The following GRIP2 variants were observed in gnomAD, a reference collection of about 807,000 sequenced individuals.
GRIP2 encodes the protein glutamate receptor-interacting protein 2.
GRIP2 carries 58 observed loss-of-function variants against 108.3 expected under a neutral mutation model. The observed-to-expected ratio is 0.54, with a 90% CI of 0.43 to 0.67. GRIP2 has a LOEUF of 0.67. Ranked by LOEUF, GRIP2 falls within the 30% of genes least tolerant of loss-of-function variation. The pLI, the probability that GRIP2 is intolerant of heterozygous loss-of-function variation, is 0.00. For synonymous variants in GRIP2, 586 were observed against 598.2 expected (o/e 0.98, Z 0.30); for missense variants, 1,278 against 1,430.6 (o/e 0.89, Z 1.72).
the GRIP2 span, among the ~76,000 whole-genome samples, chr3:14,599,534 T>G: frequency 6.6e-6 from 1 of 151,618 alleles, no homozygotes; most frequent in Non-Finnish European, 1.5e-5. Flanking sequence ...AAGGACTGGC[T>G]TTTATTTTTC....
the GRIP2 span, among the ~76,000 whole-genome samples, chr3:14,599,683 CTCTGTG>C: frequency 1.4e-3 from 142 of 105,120 alleles, 2 homozygotes; most frequent in East Asian, 2.9e-3. Flanking sequence ...CTCTCTCTCT[CTCTGTG>C]TGTGTGTGTG....
the GRIP2 span, among the ~76,000 whole-genome samples, chr3:14,577,598 A>T: frequency 6.6e-6 from 1 of 152,218 alleles, no homozygotes; most frequent in Non-Finnish European, 1.5e-5. Context: ...AAGGTTGCTC[A>T]TTCAATTGCT....
At position 14,507,747 on chromosome 3, in the gene GRIP2, C is replaced by A. The variant is rs771492833; in HGVS notation, c.2079-47G>T. The A allele has an allele frequency of 7.5e-6, 12 of 1,589,738 alleles. No individual in the cohort carries two copies. The Admixed American group carries it at 8.4e-5, about 11-fold the overall frequency. ...GAGAATGGGAGTTAGACACTCAGGG[C>A]CTCAGAGTGGCAGTCTGCCCTCAGG... On this transcript the variant is annotated intron_variant, in intron 17 of 23. Coordinates refer to ENST00000621039, the MANE Select transcript of GRIP2 (RefSeq NM_001080423.4). The surrounding 1 kb of genome is among the most constrained non-coding windows in gnomAD (Gnocchi z 4.6).
At position 14,511,154 on chromosome 3, in the gene GRIP2, G is replaced by A; in HGVS notation, c.1933+11C>T. 2.5e-6 allele frequency: 4 copies of A among 1,613,552 alleles called. No individual in the cohort carries two copies. Among genetic ancestry groups the A allele is most frequent in the Non-Finnish European group, 3.4e-6 (4 of 1,179,708 alleles). On this transcript the variant is annotated intron_variant, in intron 16 of 23. Coordinates refer to ENST00000621039, the MANE Select transcript of GRIP2 (RefSeq NM_001080423.4). The surrounding 1 kb of genome is among the most constrained non-coding windows in gnomAD (Gnocchi z 4.1). Reference sequence around the variant, plus strand: ...GCCTCTGGAGGTAGGAGGCCAGCATGAGGGCCATACCAGAGTTGTCCTCGT... The same window carrying A: ...GCCTCTGGAGGTAGGAGGCCAGCATAAGGGCCATACCAGAGTTGTCCTCGT...
chr3:14,505,614 C>T lies in GRIP2; in HGVS notation c.2573+1G>A. 1.2e-6 allele frequency: 2 copies of T among 1,609,290 alleles called. No individual in the cohort carries two copies. The highest frequency in any genetic ancestry group is 1.7e-6 in the Non-Finnish European group (2 of 1,177,832). ...TCCTTCACGGTGCTCCCACCACAGA[C>T]CTCGTTGGCGGCTCCCAATCATCCT... On this transcript the variant is annotated splice_donor_variant, in intron 20 of 23. Transcript: ENST00000621039. LOFTEE classifies it high-confidence loss of function. The surrounding 1 kb of genome is among the most constrained non-coding windows in gnomAD (Gnocchi z 4.2).
At chr3:14,600,745 G>T in the GRIP2 span, among the ~76,000 whole-genome samples, 30 of 152,290 alleles carry the variant, frequency 2.0e-4, no homozygotes, top group African/African-American at 7.2e-4. Context: ...GAGAAAGCCG[G>T]AGATTTTGCC....
chr3:14,553,928 G>A (rs1309734093), intron 1 of GRIP2, among the ~76,000 whole-genome samples: 8 of 152,154 alleles, frequency 5.3e-5, no homozygotes, highest in Admixed American at 1.3e-4. Flanking sequence ...TCAAGTCTCC[G>A]CAGTGTGTCC....
chr3:14,503,704 TGG>T, intron 20 of GRIP2, 33 bp from the exon 21 acceptor site: 1 of 231,598 alleles, frequency 4.3e-6, no homozygotes, highest in Non-Finnish European at 8.6e-6. Context: ...CGTCAACTCC[TGG>T]CAGGCGGGTG....
rs1302006353 is a variant in GRIP2, at chr3:14,523,652, G to T, written c.450C>A (p.Ser150=). 1.2e-6 allele frequency: 2 copies of T among 1,612,426 alleles called. No individual in the cohort carries two copies. The highest frequency in any genetic ancestry group is 4.5e-5 in the East Asian group (2 of 44,876). The part of the protein sequence containing the change: ...PRIISKTVDV[S]LYKEGNSFGF... ...CAAAGCTATTGCCCTCCTTGTAGAG[G>T]GAGACGTCCACTGTCTTTGAAATGA... Residue 150 remains serine (S), a synonymous_variant, in exon 5 of 24, where the codon TCC becomes TCA. Transcript: ENST00000621039.
Position 14,540,206 on chromosome 3 carries a change from C to G in GRIP2, c.40+63G>C, listed in dbSNP as rs570289619. On this transcript the variant is annotated intron_variant, in intron 1 of 23. Transcript: ENST00000621039. The surrounding 1 kb of genome is among the most constrained non-coding windows in gnomAD (Gnocchi z 4.1). ...CATCCAGTCCCCTCTCTCTGGGCAGCAGCTCCAGAGGGATCTATGTGTTCA... is the reference window on the plus strand; with the variant it reads ...CATCCAGTCCCCTCTCTCTGGGCAGGAGCTCCAGAGGGATCTATGTGTTCA... 2.5e-5 allele frequency: 39 copies of G among 1,560,312 alleles called. No individual in the cohort carries two copies. The African/African-American group carries it at 5.0e-4, about 20-fold the overall frequency.
upstream of GRIP2, among the ~76,000 whole-genome samples, chr3:14,558,335 G>A (rs565478996): frequency 2.0e-5 from 3 of 152,144 alleles, no homozygotes; most frequent in East Asian, 1.9e-4. Flanking sequence ...GCCGAGCCCC[G>A]CCTGGCTGGC....
chr3:14,575,260 G>A, the GRIP2 span, among the ~76,000 whole-genome samples: 2 of 152,156 alleles, frequency 1.3e-5, no homozygotes, highest in African/African-American at 2.4e-5. Flanking sequence ...GCCACTGTCC[G>A]CAATGCTGAT....
chr3:14,507,639 G>C lies in GRIP2; in HGVS notation c.2140C>G (p.Arg714Gly). 1 of 1,613,980 alleles carries C rather than the reference G, an allele frequency of 6.2e-7. No homozygotes were observed. The highest frequency in any genetic ancestry group is 8.5e-7 in the Non-Finnish European group (1 of 1,179,876). Residue 714 changes from arginine (R) to glycine (G), a missense_variant, in exon 18 of 24, where the codon CGG becomes GGG. Arg to Gly is a moderately radical substitution (Grantham distance 125, BLOSUM62 -2). Transcript: ENST00000621039. This position sits in a 1 kb window ranked among gnomAD's most constrained non-coding sequence, Gnocchi z 4.6. Reference protein sequence around the residue: ...LAINNVSLKGRPLSEAIHLLQ... With the variant: ...LAINNVSLKGGPLSEAIHLLQ... ...AGGTGGATGGCCTCGCTCAGCGGCC[G>C]GCCCTTGAGGCTAACGTTGTTGATG...
upstream of GRIP2, among the ~76,000 whole-genome samples, chr3:14,560,101 T>G (rs1313461471): frequency 6.6e-6 from 1 of 151,948 alleles, no homozygotes; most frequent in Non-Finnish European, 1.5e-5. Context: ...ATTTTTTTTT[T>G]TAATTAGCCT....
Position 14,509,945 on chromosome 3 carries a change from A to G in GRIP2, c.1953T>C (p.Gly651=). ...TCAGCTCCACTGTGTAACTGACGGC[A>G]CCTGTGGTCTCCAGCTCATCTGCAA... ...EDNSDELETT[G]AVSYTVELKR... is the part of the protein sequence containing the mutation. The change falls in exon 17 of 24, where the codon GGT becomes GGC. Residue 651 remains glycine (G), a synonymous_variant. Coordinates refer to ENST00000621039, the MANE Select transcript of GRIP2 (RefSeq NM_001080423.4). 6.5e-7 allele frequency: 1 copy of G among 1,527,644 alleles called. No homozygotes were observed. The highest frequency in any genetic ancestry group is 8.8e-7 in the Non-Finnish European group (1 of 1,133,740). 94.6% of individuals were successfully genotyped at this position (1,527,644 alleles called of 1,614,324 possible). A position where few individuals can be genotyped will look rare whatever the true frequency, so the allele number is the denominator to read the frequency against.
intron 1 of GRIP2, among the ~76,000 whole-genome samples, chr3:14,550,526 G>C (rs977135012): frequency 6.6e-6 from 1 of 152,226 alleles, no homozygotes; most frequent in South Asian, 2.1e-4. Context: ...GGCACCGCTG[G>C]TGCCTCAGAG....
At position 14,509,974 on chromosome 3, in the gene GRIP2, C is replaced by G. The variant is rs571931392; in HGVS notation, c.1934-10G>C. 2.0e-6 allele frequency: 3 copies of G among 1,480,160 alleles called. No homozygotes were observed. Among genetic ancestry groups the G allele is most frequent in the African/African-American group, 2.8e-5 (2 of 71,562 alleles). 91.7% of individuals were successfully genotyped at this position (1,480,160 alleles called of 1,614,324 possible). ...GTGGTCTCCAGCTCATCTGCAAGCA[C>G]GGGGACCCATGAGGAGGAGGCCCCC... On this transcript the variant is annotated splice_polypyrimidine_tract_variant and intron_variant, in intron 16 of 23. Transcript: ENST00000621039.
At chr3:14,555,939 G>C (rs1435179782) in exon 1 of GRIP2, 1 of 399,600 alleles carries the variant, frequency 2.5e-6, no homozygotes, top group African/African-American at 2.1e-5. Context: ...CGCCACTTGA[G>C]TGACACCGCC....
Position 14,493,799 on chromosome 3 carries a change from C to T in GRIP2, c.2998G>A (p.Asp1000Asn), listed in dbSNP as rs543809953. Residue 1000 changes from aspartate (D) to asparagine (N), a missense_variant, in exon 24 of 24, where the codon GAC (aspartate) becomes AAC (asparagine). Physicochemically the swap from Asp to Asn is conservative, Grantham distance 23 (BLOSUM62 1). Coordinates refer to ENST00000621039, the MANE Select transcript of GRIP2 (RefSeq NM_001080423.4). Reference protein sequence around the residue: ...QVNHVRTRDFDCCLAVPLLAE... With the variant: ...QVNHVRTRDFNCCLAVPLLAE... ...AGGAGTGGCACCGCCAGGCAGCAGT[C>T]GAAGTCCCGTGTACGGACGTGGTTG... The T allele has an allele frequency of 3.7e-6, 6 of 1,613,464 alleles. No individual in the cohort carries two copies. In the East Asian group the frequency reaches 6.7e-5, roughly 18 times the overall value.
Sources: allele counts gnomAD v4.1 joint callset (sites outside exome capture counted in the v4.1 genomes callset), GRCh38; gene constraint gnomAD v4.1.1; non-coding constraint Gnocchi (gnomAD v3.1); transcripts MANE v1.5; gene names NCBI Gene and HGNC (gene_info 2026-07-23, HGNC 2026-07-21).